FZD3: variants seen among roughly 807,000 people sequenced by gnomAD.
FZD3 encodes frizzled-3.
In FZD3, 30 loss-of-function variants were observed where a neutral mutation model predicts 60.7. The ratio of observed to expected loss-of-function variants is 0.49; its 90% CI spans 0.37 to 0.67. The LOEUF is 0.67. Among genes scored for constraint, FZD3 ranks in the 30% least tolerant of loss-of-function variants. The pLI is 0.00. For synonymous variants in FZD3, 246 were observed against 275.2 expected, an observed-to-expected ratio of 0.89 and a Z score of 1.05; for missense variants, 605 against 838.7, an observed-to-expected ratio of 0.72 and a Z score of 3.44.
chr8:28,563,391 A>T lies in FZD3; in HGVS notation c.*380A>T, dbSNP rs1393754696. ...GAGATAACATTCTGGTAGCTCAGTTAATAAAACAATTTCAGAATTAAAGAA... is the reference window on the plus strand; with the variant it reads ...GAGATAACATTCTGGTAGCTCAGTTTATAAAACAATTTCAGAATTAAAGAA... On this transcript the variant is annotated 3_prime_UTR_variant, in exon 8 of 8. Transcript: ENST00000240093. The T allele has an allele frequency of 5.8e-6, 1 of 172,944 alleles. No individual in the cohort carries two copies. The highest frequency in any genetic ancestry group is 1.5e-4 in the East Asian group (1 of 6,612). The allele number at this position is 172,944 out of a possible 1,614,324, so 10.7% of individuals were successfully genotyped here.
chr8:28,513,781 C>T (rs1378900863), intron 3 of FZD3, among the ~76,000 whole-genome samples: 1 of 152,138 alleles, frequency 6.6e-6, no homozygotes, highest in Non-Finnish European at 1.5e-5. Flanking sequence ...TCCCAAACCC[C>T]ATAGGGTACA....
At position 28,569,232 on chromosome 8, in the gene FZD3, T is replaced by A. The variant is rs1204446252; in HGVS notation, c.*6221T>A. 1 of 151,532 alleles carries A rather than the reference T, an allele frequency of 6.6e-6. No individual in the cohort carries two copies. Among genetic ancestry groups the A allele is most frequent in the African/African-American group, 2.4e-5 (1 of 41,352 alleles). 9.4% of individuals were successfully genotyped at this position (151,532 alleles called of 1,614,324 possible). On this transcript the variant is annotated 3_prime_UTR_variant, in exon 8 of 8. Transcript: ENST00000240093. ...ATAATTTCTATTTTCTATCCTGGAG[T>A]CTAAAATTAAACAAAAAAATCTATT... is the stretch of plus-strand genomic sequence containing the variant.
chr8:28,498,078 T>G (rs147722861), intron 1 of FZD3, among the ~76,000 whole-genome samples: 1 of 152,366 alleles, frequency 6.6e-6, no homozygotes, highest in East Asian at 1.9e-4. Context: ...AAGTATCTAG[T>G]CCTTTTTGTT....
At chr8:28,522,836 C>G (rs1804620648) in intron 4 of FZD3, among the ~76,000 whole-genome samples, 2 of 134,918 alleles carry the variant, frequency 1.5e-5, no homozygotes, top group African/African-American at 2.9e-5. Context: ...AGTGGCGTGA[C>G]TTGGCTCACT....
In FZD3 at chr8:28,555,814, A is replaced by C; in HGVS notation, c.1630A>C (p.Ile544Leu). 6.2e-7 allele frequency: 1 copy of C among 1,613,834 alleles called. No individual in the cohort carries two copies. Among genetic ancestry groups the C allele is most frequent in the South Asian group, 1.1e-5 (1 of 91,080 alleles). Residue 544 changes from isoleucine to leucine, a missense_variant, in exon 7 of 8, where the codon ATC (isoleucine) becomes CTC (leucine). Coordinates refer to ENST00000240093, the MANE Select transcript of FZD3 (RefSeq NM_017412.4). ...TCTCCTGAGGGATCCAAATACTCCTATCATAAGAAAGTCAAGGGGAACTTC... is the reference window on the plus strand; with the variant it reads ...TCTCCTGAGGGATCCAAATACTCCTCTCATAAGAAAGTCAAGGGGAACTTC... ...QSLLRDPNTP[I>L]IRKSRGTSTQ...
intron 5 of FZD3, among the ~76,000 whole-genome samples, chr8:28,550,287 GAGTAA>G (rs1315759350): frequency 6.6e-6 from 1 of 151,688 alleles, no homozygotes; most frequent in Non-Finnish European, 1.5e-5. Flanking sequence ...GCATGGAATT[GAGTAA>G]AGTAATCTTT....
At chr8:28,510,044 C>T (rs1804243023) in intron 3 of FZD3, among the ~76,000 whole-genome samples, 1 of 152,158 alleles carries the variant, frequency 6.6e-6, no homozygotes, top group South Asian at 2.1e-4. Context: ...TTTACATTTC[C>T]ACCAGTAATA....
chr8:28,533,237 T>A (rs1362602544), intron 5 of FZD3, among the ~76,000 whole-genome samples: 1 of 151,994 alleles, frequency 6.6e-6, no homozygotes, highest in Admixed American at 6.6e-5. Context: ...TGGGGTCTTG[T>A]TAGCTGTCCA....
chr8:28,536,060 T>G (rs1805003059), intron 5 of FZD3, among the ~76,000 whole-genome samples: 1 of 152,216 alleles, frequency 6.6e-6, no homozygotes, highest in African/African-American at 2.4e-5. Context: ...GAAGATTAAA[T>G]GAGAAATATA....
At chr8:28,500,174 C>T (rs1325921561) in intron 2 of FZD3, among the ~76,000 whole-genome samples, 196 bp downstream of exon 2, 2 of 152,170 alleles carry the variant, frequency 1.3e-5, no homozygotes, top group Admixed American at 1.3e-4. Flanking sequence ...TCATAAACTG[C>T]AGTCTTGCTG....
intron 6 of FZD3, among the ~76,000 whole-genome samples, chr8:28,553,130 A>T (rs1805444097): frequency 6.6e-6 from 1 of 152,230 alleles, no homozygotes. Flanking sequence ...TTATTGTGAT[A>T]TCTGAGACTG....
rs1804553431 is a variant in FZD3, at chr8:28,520,669, C to G, written c.221C>G (p.Ser74Cys). The G allele has an allele frequency of 6.2e-7, 1 of 1,603,476 alleles. No homozygotes were observed. Among genetic ancestry groups the G allele is most frequent in the African/African-American group, 1.3e-5 (1 of 74,582 alleles). ...PFHPMVNLDC[S>C]RDFRPFLCAL... ...CACCCTATGGTGAATCTGGATTGTT[C>G]TCGGGATTTCCGGCCTTTTCTTTGT... Residue 74 changes from serine to cysteine, a missense_variant, in exon 4 of 8, where the codon TCT becomes TGT. Coordinates refer to ENST00000240093, the MANE Select transcript of FZD3 (RefSeq NM_017412.4).
At chr8:28,520,521 A>C (rs1804549698) in intron 3 of FZD3, 117 bp from the exon 4 acceptor site, 9 of 638,918 alleles carry the variant, frequency 1.4e-5, no homozygotes, top group Admixed American at 2.9e-5. Flanking sequence ...CCCTTCAGAA[A>C]ATTTTAATAA....
At chr8:28,546,055 G>A (rs1044590300) in intron 5 of FZD3, among the ~76,000 whole-genome samples, 2 of 152,156 alleles carry the variant, frequency 1.3e-5, no homozygotes, top group African/African-American at 4.8e-5. Context: ...GGAGCAATAG[G>A]CTATACCATA....
At chr8:28,515,444 C>T (rs1420287616) in intron 3 of FZD3, among the ~76,000 whole-genome samples, 4 of 152,146 alleles carry the variant, frequency 2.6e-5, no homozygotes, top group Non-Finnish European at 5.9e-5. Context: ...ATCAAGTGCA[C>T]GGTTTGATTT....
chr8:28,528,717 C>T (rs1804784934), intron 5 of FZD3, among the ~76,000 whole-genome samples: 1 of 152,024 alleles, frequency 6.6e-6, no homozygotes, highest in East Asian at 1.9e-4. Context: ...TTCAGATTCC[C>T]TCTGTAATTT....
Position 28,527,558 on chromosome 8 carries a change from A to G in FZD3, c.798A>G (p.Ala266=), listed in dbSNP as rs1270362162. Residue 266 remains alanine, a synonymous_variant, in exon 5 of 8, where the codon GCA becomes GCG. Transcript: ENST00000240093. The surrounding 1 kb of genome is among the most constrained non-coding windows in gnomAD (Gnocchi z 5.0). The part of the protein sequence containing the change: ...FLLEDRVACN[A]SIPAQYKAST... ...TTGAAGATCGAGTAGCCTGCAATGCATCCATCCCTGCACAATATAAGGCTT... is the reference window on the plus strand; with the variant it reads ...TTGAAGATCGAGTAGCCTGCAATGCGTCCATCCCTGCACAATATAAGGCTT... The G allele has an allele frequency of 6.2e-7, 1 of 1,614,056 alleles. No homozygotes were observed. Among genetic ancestry groups the G allele is most frequent in the Non-Finnish European group, 8.5e-7 (1 of 1,179,902 alleles).
rs1805730932 is a variant in FZD3 at position 28,567,811 on chromosome 8, G to A, written c.*4800G>A. 6.6e-6 allele frequency: 1 copy of A among 152,014 alleles called. No homozygotes were observed. The highest frequency in any genetic ancestry group is 6.6e-5 in the Admixed American group (1 of 15,254). 9.4% of individuals were successfully genotyped at this position (152,014 alleles called of 1,614,324 possible). On this transcript the variant is annotated 3_prime_UTR_variant, in exon 8 of 8. Coordinates refer to ENST00000240093, the MANE Select transcript of FZD3 (RefSeq NM_017412.4). ...AGTATGCCTCAAATTTTATGTAGTT[G>A]AATTTGTAGAACAAATTTGGGGATA...
At chr8:28,540,849 G>A (rs1393146439) in intron 5 of FZD3, among the ~76,000 whole-genome samples, 1 of 152,164 alleles carries the variant, frequency 6.6e-6, no homozygotes, top group Non-Finnish European at 1.5e-5. Context: ...GGAGGCTGAG[G>A]CAGGAGAATC....
Sources: allele counts gnomAD v4.1 joint callset (sites outside exome capture counted in the v4.1 genomes callset), GRCh38; gene constraint gnomAD v4.1.1; non-coding constraint Gnocchi (gnomAD v3.1); transcripts MANE v1.5; gene names NCBI Gene and HGNC (gene_info 2026-07-23, HGNC 2026-07-21).